Variants in CNTNAP2 observed in about 807,000 individuals in gnomAD.
CNTNAP2 encodes the protein contactin-associated protein-like 2.
CNTNAP2 carries 98 observed loss-of-function variants against 155.2 expected under a neutral mutation model. The ratio of observed to expected loss-of-function variants is 0.63; its 90% CI spans 0.54 to 0.75. CNTNAP2 has a LOEUF of 0.75. Ranked by LOEUF, CNTNAP2 falls within the 30% of genes least tolerant of loss-of-function variation. The pLI, the probability that CNTNAP2 is intolerant of heterozygous loss-of-function variation, is 0.00. For missense variants in CNTNAP2, 1,727 were observed against 1,688.1 expected (o/e 1.02, Z -0.40); for synonymous variants, 651 against 631.2 (o/e 1.03, Z -0.47).
intron 14 of CNTNAP2, among the ~76,000 whole-genome samples, chr7:147,937,069 G>A (rs1472782660): frequency 1.4e-5 from 2 of 141,746 alleles, no homozygotes; most frequent in African/African-American, 2.6e-5. Context: ...CCACCACCAC[G>A]ATTCCCTTCT....
At position 147,393,778 on chromosome 7, in the gene CNTNAP2, AT is replaced by A. The variant is rs370133618; in HGVS notation, c.1499-1823del. On this transcript the variant is annotated intron_variant, in intron 9 of 23. Transcript: ENST00000361727. ...AACATTAAAGTAGAGCCTTACATGGATTTTTTTTAAGTCAAGAAGTTAATTC... is the reference window on the plus strand; with the variant it reads ...AACATTAAAGTAGAGCCTTACATGGATTTTTTTAAGTCAAGAAGTTAATTC... Among the ~76,000 whole-genome samples, 810 of 151,912 alleles carry A rather than the reference AT, an allele frequency of 5.3e-3. 9 individuals are homozygous for A. The highest frequency in any genetic ancestry group is 0.019 in the African/African-American group (779 of 41,496).
At chr7:147,227,339 A>T (rs969729879) in intron 8 of CNTNAP2, among the ~76,000 whole-genome samples, 10 of 152,148 alleles carry the variant, frequency 6.6e-5, no homozygotes, top group African/African-American at 1.9e-4. Flanking sequence ...AAAAAAAAAA[A>T]TGTTGGCCTT....
intron 1 of CNTNAP2, among the ~76,000 whole-genome samples, chr7:146,616,592 A>C: frequency 6.6e-6 from 1 of 152,270 alleles, no homozygotes; most frequent in South Asian, 2.1e-4. Flanking sequence ...GTGAATTTAT[A>C]GTCAAAAAAA....
chr7:147,136,006 A>G (rs1175922142), intron 8 of CNTNAP2, among the ~76,000 whole-genome samples: 4 of 151,490 alleles, frequency 2.6e-5, no homozygotes, highest in Admixed American at 2.6e-4. Context: ...GCATTAATGT[A>G]CATTACTATT....
At chr7:147,778,011 T>C (rs1797610936) in intron 13 of CNTNAP2, among the ~76,000 whole-genome samples, 1 of 152,224 alleles carries the variant, frequency 6.6e-6, no homozygotes, top group Non-Finnish European at 1.5e-5. Context: ...TCTTCCCTTG[T>C]TCCAGTTTAC....
intron 21 of CNTNAP2, among the ~76,000 whole-genome samples, chr7:148,375,696 G>GT (rs1206582706): frequency 6.7e-6 from 1 of 150,088 alleles, no homozygotes; most frequent in Non-Finnish European, 1.5e-5. Flanking sequence ...GCAATCATAA[G>GT]TTTTTTGTTT....
chr7:146,315,697 A>G (rs913398695), intron 1 of CNTNAP2, among the ~76,000 whole-genome samples: 1 of 152,170 alleles, frequency 6.6e-6, no homozygotes, highest in Non-Finnish European at 1.5e-5. Context: ...TATTTTTTCA[A>G]TTAGTGATAC....
Position 146,815,996 on chromosome 7 carries a change from G to A in CNTNAP2, c.209-23715G>A, listed in dbSNP as rs544835230. On this transcript the variant is annotated intron_variant, in intron 2 of 23. Transcript: ENST00000361727. ...CTCATTGTTCAATTCCCACCTATGA[G>A]TGAGAACATGTGGTGTTTGGTTTTC... Among the ~76,000 whole-genome samples, 53 of 152,298 alleles carry A rather than the reference G, an allele frequency of 3.5e-4. No homozygotes were observed. In the South Asian group the frequency reaches 5.6e-3, roughly 16 times the overall value.
intron 1 of CNTNAP2, among the ~76,000 whole-genome samples, chr7:146,362,544 C>T (rs934265058): frequency 6.6e-6 from 1 of 152,080 alleles, no homozygotes; most frequent in African/African-American, 2.4e-5. Context: ...AATATGTTTT[C>T]ATATCTGAGG....
At chr7:146,259,541 T>C (rs951788084) in intron 1 of CNTNAP2, among the ~76,000 whole-genome samples, 2 of 152,182 alleles carry the variant, frequency 1.3e-5, no homozygotes, top group Admixed American at 6.5e-5. Context: ...ACTTATGCTG[T>C]GCTTTAGCAA....
At chr7:148,040,561 T>G (rs914534085) in intron 15 of CNTNAP2, among the ~76,000 whole-genome samples, 4 of 152,250 alleles carry the variant, frequency 2.6e-5, no homozygotes, top group African/African-American at 9.6e-5. Context: ...TGCATGACTG[T>G]GCTTTCTACC....
chr7:148,143,441 G>A (rs140839520), intron 16 of CNTNAP2, among the ~76,000 whole-genome samples: 1 of 152,172 alleles, frequency 6.6e-6, no homozygotes, highest in African/African-American at 2.4e-5. Context: ...CACACTGGGA[G>A]TCTGAGATGG....
At chr7:148,366,232 GTA>G (rs1252856685) in intron 21 of CNTNAP2, among the ~76,000 whole-genome samples, 2 of 149,798 alleles carry the variant, frequency 1.3e-5, no homozygotes, top group East Asian at 3.9e-4. Flanking sequence ...GTATATAGGT[GTA>G]TATGTGTATG....
At chr7:147,714,760 T>C (rs911973103) in intron 13 of CNTNAP2, among the ~76,000 whole-genome samples, 12 of 151,972 alleles carry the variant, frequency 7.9e-5, no homozygotes, top group African/African-American at 2.9e-4. Context: ...TGTAGATATG[T>C]GTAACCACTA....
At chr7:146,888,209 C>A (rs866066363) in intron 3 of CNTNAP2, among the ~76,000 whole-genome samples, 25 of 151,944 alleles carry the variant, frequency 1.6e-4, no homozygotes, top group African/African-American at 5.1e-4. Context: ...TTTTATTTAA[C>A]CTTCATTAAA....
chr7:147,353,409 T>A, intron 9 of CNTNAP2, among the ~76,000 whole-genome samples: 1 of 152,040 alleles, frequency 6.6e-6, no homozygotes, highest in East Asian at 1.9e-4. Flanking sequence ...TGGTTTTCTG[T>A]TCCTGTGTTA....
At chr7:147,201,642 G>T (rs1044678539) in intron 8 of CNTNAP2, among the ~76,000 whole-genome samples, 2 of 152,132 alleles carry the variant, frequency 1.3e-5, no homozygotes, top group Non-Finnish European at 2.9e-5. Flanking sequence ...CACCAGCACT[G>T]TCACTGGGAA....
intron 15 of CNTNAP2, among the ~76,000 whole-genome samples, chr7:148,021,929 C>T (rs1170764035): frequency 6.6e-6 from 1 of 152,150 alleles, no homozygotes; most frequent in African/African-American, 2.4e-5. Flanking sequence ...TCACAAGAGG[C>T]ACTACTTCGC....
intron 1 of CNTNAP2, among the ~76,000 whole-genome samples, chr7:146,706,004 T>C (rs1800959322): frequency 6.6e-6 from 1 of 152,298 alleles, no homozygotes; most frequent in Non-Finnish European, 1.5e-5. Flanking sequence ...AGATACCTTA[T>C]GGACATCTTG....
Sources: allele counts gnomAD v4.1 joint callset (sites outside exome capture counted in the v4.1 genomes callset), GRCh38; gene constraint gnomAD v4.1.1; transcripts MANE v1.5; gene names NCBI Gene and HGNC (gene_info 2026-07-23, HGNC 2026-07-21).